The following BSPH1 variants were observed in gnomAD, a reference collection of about 807,000 sequenced individuals.
The protein encoded by BSPH1 is binder of sperm protein homolog 1, also known as binder of sperm 1.
In BSPH1, 21 loss-of-function variants were observed where a neutral mutation model predicts 22.5. That is an observed-to-expected ratio of 0.93 (90% CI 0.66 to 1.35). The LOEUF is 1.35. Among genes scored for constraint, BSPH1 ranks in the 40% most tolerant of loss-of-function variants. The pLI is 0.00. For synonymous variants in BSPH1, 42 were observed against 53.6 expected (o/e 0.78, Z 0.95); for missense variants, 141 against 154.2 (o/e 0.91, Z 0.45).
rs570030308 is a variant in BSPH1, at chr19:47,983,075, T to G, written c.74-2134A>C. ...GAATGCCACTGAACTGTGCACTGGTTCCAGTATATAGGGAAGATCTCACGA... is the reference window on the plus strand; with the variant it reads ...GAATGCCACTGAACTGTGCACTGGTGCCAGTATATAGGGAAGATCTCACGA... On this transcript the variant is annotated intron_variant, in intron 1 of 5. Transcript: ENST00000344839. Among the ~76,000 whole-genome samples the G allele has an allele frequency of 3.3e-5, 5 of 152,298 alleles. No individual in the cohort carries two copies. The South Asian group carries it at 1.0e-3, about 32-fold the overall frequency.
chr19:47,979,570 C>T lies in BSPH1; in HGVS notation c.124G>A (p.Asp42Asn). 1 of 1,329,178 alleles carries T rather than the reference C, an allele frequency of 7.5e-7. No homozygotes were observed. Among genetic ancestry groups the T allele is most frequent in the Non-Finnish European group, 1.0e-6 (1 of 980,684 alleles). The allele number at this position is 1,329,178 out of a possible 1,614,324, so 82.3% of individuals were successfully genotyped here. A position where few individuals can be genotyped will look rare whatever the true frequency, so the allele number is the denominator to read the frequency against. The part of the protein sequence containing the change: ...ETITHFPEVT[D>N]GECVFPFHYK... ...AATCAAAGTTTTCTGATCGACTTAC[C>T]TGTAACTTCTGGAAAATGAGTTATA... The change falls in exon 3 of 6, where the codon GAT becomes AAT. Residue 42 changes from aspartate to asparagine, a missense_variant and splice_region_variant. By Grantham distance (23) the Asp-to-Asn change is conservative. Coordinates refer to ENST00000344839, the MANE Select transcript of BSPH1 (RefSeq NM_001128326.2).
intron 1 of BSPH1, chr19:47,981,662 C>T: frequency 1.5e-6 from 1 of 649,522 alleles, no homozygotes; most frequent in Non-Finnish European, 1.9e-6. Context: ...CAACCATCTG[C>T]CCTCAGTTTA....
intron 1 of BSPH1, among the ~76,000 whole-genome samples, chr19:47,990,986 TTTC>T (rs552036869): frequency 1.3e-5 from 2 of 152,176 alleles, no homozygotes; most frequent in Non-Finnish European, 2.9e-5. Context: ...TTAGCCGAAC[TTTC>T]TTATTTTTTA....
At chr19:47,968,732 C>T (rs1422721575) in intron 5 of BSPH1, among the ~76,000 whole-genome samples, 2 of 143,134 alleles carry the variant, frequency 1.4e-5, no homozygotes, top group Non-Finnish European at 3.0e-5. Context: ...GGCACAGTGG[C>T]TCATGCCTAT....
intron 1 of BSPH1, among the ~76,000 whole-genome samples, chr19:47,991,468 T>TTCCTCCTCCTTCTTCTTCTCTTCCTTC (rs1966873196): frequency 8.3e-6 from 1 of 120,478 alleles, no homozygotes; most frequent in Non-Finnish European, 1.8e-5. Flanking sequence ...CCTCCTTCCT[T>TTCCTCCTCCTTCTTCTTCTCTTCCTTC]TCCTCCTCCT....
chr19:47,979,656 G>C, intron 2 of BSPH1, 57 bp from the exon 3 acceptor site: 2 of 693,870 alleles, frequency 2.9e-6, no homozygotes, highest in Non-Finnish European at 4.6e-6. Context: ...CTTTAAAATG[G>C]GCTCTTACGT....
intron 1 of BSPH1, among the ~76,000 whole-genome samples, chr19:47,982,294 A>G (rs1179909982): frequency 2.0e-5 from 3 of 152,276 alleles, no homozygotes; most frequent in Non-Finnish European, 4.4e-5. Flanking sequence ...CACTTGAAAG[A>G]GCAATGACTT....
At chr19:47,976,604 AAAC>A in intron 5 of BSPH1, 103 bp downstream of exon 5, 2 of 796,618 alleles carry the variant, frequency 2.5e-6, no homozygotes, top group Non-Finnish European at 3.8e-6. Context: ...AAACAAAAAA[AAAC>A]CCTCTCTAAT....
At chr19:47,974,532 A>T (rs934681591) in intron 5 of BSPH1, among the ~76,000 whole-genome samples, 1 of 151,790 alleles carries the variant, frequency 6.6e-6, no homozygotes, top group African/African-American at 2.4e-5. Context: ...AGCTTCCCAA[A>T]GTGCTGGGAT....
chr19:47,983,894 T>C (rs1358507900), intron 1 of BSPH1, among the ~76,000 whole-genome samples: 1 of 151,478 alleles, frequency 6.6e-6, no homozygotes, highest in Non-Finnish European at 1.5e-5. Flanking sequence ...TGGAGTGTAG[T>C]GGCACGATCT....
At position 47,976,768 on chromosome 19, in the gene BSPH1, A is replaced by AT. The variant is rs1969368615; in HGVS notation, c.342dup (p.Trp115MetfsTer9). Reference sequence around the variant, plus strand: ...TTAAAATTCTTGGTCAGTGAACACCATTTTTTCCCAAATGCTTCCCCATCA... The same window carrying AT: ...TTAAAATTCTTGGTCAGTGAACACCATTTTTTTCCCAAATGCTTCCCCATCA... On this transcript the variant is annotated frameshift_variant, in exon 5 of 6. Coordinates refer to ENST00000344839, the MANE Select transcript of BSPH1 (RefSeq NM_001128326.2). LOFTEE classifies it high-confidence loss of function. 6.4e-7 allele frequency: 1 copy of AT among 1,551,442 alleles called. No homozygotes were observed. Among genetic ancestry groups the AT allele is most frequent in the Non-Finnish European group, 8.7e-7 (1 of 1,146,914 alleles).
Position 47,976,932 on chromosome 19 carries a change from CATGCACACAT to C in BSPH1, c.257-88_257-79del, listed in dbSNP as rs1187038647. 2.2e-5 allele frequency: 30 copies of C among 1,344,758 alleles called. 2 individuals carry two copies. The South Asian group carries it at 3.3e-4, about 15-fold the overall frequency. 83.3% of individuals were successfully genotyped at this position (1,344,758 alleles called of 1,614,324 possible). On this transcript the variant is annotated intron_variant, in intron 4 of 5. Transcript: ENST00000344839. ...CCACCTCCACCACACCATGCACACA[CATGCACACAT>C]ATGCACACATGTGCATGCACGTGAA... is the stretch of plus-strand genomic sequence containing the variant.
intron 1 of BSPH1, among the ~76,000 whole-genome samples, chr19:47,983,737 C>G (rs1049575949): frequency 6.6e-6 from 1 of 152,082 alleles, no homozygotes; most frequent in African/African-American, 2.4e-5. Flanking sequence ...CAAAATGAAG[C>G]CGGTCACTTT....
At chr19:47,971,913 C>T (rs1411004647) in intron 5 of BSPH1, among the ~76,000 whole-genome samples, 1 of 152,124 alleles carries the variant, frequency 6.6e-6, no homozygotes. Context: ...TTGTCAAAGC[C>T]TTGGAAATAT....
At chr19:47,973,166 G>A (rs1355757423) in intron 5 of BSPH1, among the ~76,000 whole-genome samples, 1 of 150,912 alleles carries the variant, frequency 6.6e-6, no homozygotes, top group Admixed American at 6.6e-5. Flanking sequence ...GCAGTGAGCC[G>A]AGATCGCGCC....
At chr19:47,974,269 C>CTCTCTTTTT (rs57733472) in intron 5 of BSPH1, among the ~76,000 whole-genome samples, 2 of 76,000 alleles carry the variant, frequency 2.6e-5, no homozygotes, top group East Asian at 4.1e-4. Flanking sequence ...CTCTCTCTCT[C>CTCTCTTTTT]TTTTTTTTTT....
intron 2 of BSPH1, among the ~76,000 whole-genome samples, 186 bp downstream of exon 2, chr19:47,980,735 G>A (rs1969412394): frequency 1.3e-5 from 2 of 151,844 alleles, no homozygotes; most frequent in African/African-American, 2.4e-5. Context: ...CTCCCAAAGT[G>A]CTGGGACTCT....
At chr19:47,969,232 A>G (rs1267855978) in intron 5 of BSPH1, among the ~76,000 whole-genome samples, 1 of 152,102 alleles carries the variant, frequency 6.6e-6, no homozygotes, top group Non-Finnish European at 1.5e-5. Context: ...AGAGAAGAGT[A>G]AAAACAGACT....
chr19:47,972,562 A>T (rs1019313511), intron 5 of BSPH1, among the ~76,000 whole-genome samples: 3 of 152,010 alleles, frequency 2.0e-5, no homozygotes, highest in African/African-American at 7.2e-5. Flanking sequence ...TTCCTGCATT[A>T]GTTTGCTTAT....
Sources: allele counts gnomAD v4.1 joint callset (sites outside exome capture counted in the v4.1 genomes callset), GRCh38; gene constraint gnomAD v4.1.1; transcripts MANE v1.5; gene names NCBI Gene and HGNC (gene_info 2026-07-23, HGNC 2026-07-21).